The following HPSE2 variants were observed in gnomAD, a reference collection of about 807,000 sequenced individuals.
HPSE2 encodes heparanase 2 (inactive).
Under a neutral mutation model 60.5 loss-of-function variants are expected in HPSE2, and 38 were observed. The ratio of observed to expected loss-of-function variants is 0.63; its 90% CI spans 0.48 to 0.82. The LOEUF (loss-of-function observed/expected upper bound fraction) is 0.82. Among genes scored for constraint, HPSE2 ranks in the 40% least tolerant of loss-of-function variants. The probability of loss-of-function intolerance (pLI) is 0.00; values close to 1 mark genes in which losing one functional copy is unlikely to be tolerated. For synonymous variants in HPSE2, 295 were observed against 293.2 expected, an observed-to-expected ratio of 1.01 and a Z score of -0.06; for missense variants, 713 against 740.4, an observed-to-expected ratio of 0.96 and a Z score of 0.43.
chr10:99,069,227 G>T (rs1842709976), intron 3 of HPSE2, among the ~76,000 whole-genome samples: 2 of 152,132 alleles, frequency 1.3e-5, no homozygotes, highest in Non-Finnish European at 1.5e-5. Flanking sequence ...TGGGAAGCTA[G>T]AAATTTTGTC....
At chr10:98,931,351 A>G (rs1954635592) in intron 3 of HPSE2, among the ~76,000 whole-genome samples, 1 of 144,180 alleles carries the variant, frequency 6.9e-6, no homozygotes, top group Admixed American at 6.9e-5. Flanking sequence ...TACCAGTACC[A>G]TGCTATTTTG....
chr10:98,665,178 C>A (rs999814815), intron 6 of HPSE2, among the ~76,000 whole-genome samples: 2 of 152,106 alleles, frequency 1.3e-5, no homozygotes, highest in African/African-American at 2.4e-5. Flanking sequence ...CAGAGTAAAC[C>A]AAGCTGAGGA....
At chr10:98,558,285 A>G (rs1237011501) in intron 9 of HPSE2, among the ~76,000 whole-genome samples, 1 of 152,228 alleles carries the variant, frequency 6.6e-6, no homozygotes, top group East Asian at 1.9e-4. Flanking sequence ...ATAGAAATGT[A>G]CGTATATGTT....
intron 3 of HPSE2, among the ~76,000 whole-genome samples, chr10:98,753,053 G>A (rs1414965): frequency 0.15 from 23,497 of 152,112 alleles, 2,060 homozygotes; most frequent in Admixed American, 0.23. Flanking sequence ...TTAGTTGGGA[G>A]GTGGGGGTGA....
At chr10:98,842,487 A>T (rs1589928365) in intron 3 of HPSE2, among the ~76,000 whole-genome samples, 2 of 148,646 alleles carry the variant, frequency 1.3e-5, no homozygotes, top group Admixed American at 6.7e-5. Context: ...CTTTAATATC[A>T]CTTCTTTTGA....
At chr10:99,092,814 A>C (rs950415401) in intron 3 of HPSE2, among the ~76,000 whole-genome samples, 1 of 152,190 alleles carries the variant, frequency 6.6e-6, no homozygotes, top group Non-Finnish European at 1.5e-5. Context: ...AGTAGACATC[A>C]AAAAAATAAC....
intron 6 of HPSE2, among the ~76,000 whole-genome samples, chr10:98,652,018 G>C (rs967373982): frequency 1.3e-5 from 2 of 152,108 alleles, no homozygotes; most frequent in African/African-American, 4.8e-5. Flanking sequence ...TGATCCACCT[G>C]CCTCGGCTTC....
chr10:98,756,222 A>G (rs7912656), intron 3 of HPSE2, among the ~76,000 whole-genome samples: 105,299 of 151,852 alleles, frequency 0.69, 37,614 homozygotes, highest in Non-Finnish European at 0.8. Context: ...TGAAAAAGGT[A>G]GAAATGCCTC....
chr10:99,235,467 G>A (rs909816448), intron 1 of HPSE2, 46 bp downstream of exon 1: 3 of 1,561,768 alleles, frequency 1.9e-6, no homozygotes, highest in Non-Finnish European at 2.6e-6. Context: ...GCTTGAGGGG[G>A]TGTTACTAAA....
At chr10:98,731,795 GAAAT>G (rs1225085146) in intron 4 of HPSE2, among the ~76,000 whole-genome samples, 1 of 152,020 alleles carries the variant, frequency 6.6e-6, no homozygotes, top group Admixed American at 6.6e-5. Flanking sequence ...GCAAGGGAGA[GAAAT>G]AAAAAGCATC....
chr10:99,062,369 A>C (rs1842473200), intron 3 of HPSE2, among the ~76,000 whole-genome samples: 1 of 152,226 alleles, frequency 6.6e-6, no homozygotes, highest in African/African-American at 2.4e-5. Context: ...AACTGCCCAC[A>C]ACTAGTTCTC....
At chr10:98,555,771 T>C (rs983715319) in intron 9 of HPSE2, among the ~76,000 whole-genome samples, 6 of 152,210 alleles carry the variant, frequency 3.9e-5, no homozygotes, top group Non-Finnish European at 8.8e-5. Flanking sequence ...TTAATTCTCC[T>C]CTTTCGAAAC....
chr10:98,858,759 T>C (rs924933675), intron 3 of HPSE2, among the ~76,000 whole-genome samples: 5 of 152,182 alleles, frequency 3.3e-5, no homozygotes, highest in Non-Finnish European at 7.4e-5. Flanking sequence ...CTAGAAGAAA[T>C]AGAGGCTACA....
At chr10:98,629,349 GC>G (rs1946299596) in intron 7 of HPSE2, among the ~76,000 whole-genome samples, 1 of 152,184 alleles carries the variant, frequency 6.6e-6, no homozygotes, top group Non-Finnish European at 1.5e-5. Context: ...GTTACAAAGA[GC>G]TGAATAGCTA....
At chr10:98,951,335 C>T (rs191424808) in intron 3 of HPSE2, among the ~76,000 whole-genome samples, 2 of 152,156 alleles carry the variant, frequency 1.3e-5, no homozygotes, top group South Asian at 2.1e-4. Context: ...TTTGTTTTTA[C>T]AAGAAAATAT....
chr10:99,253,994 A>G, the HPSE2 span, among the ~76,000 whole-genome samples: 1 of 152,218 alleles, frequency 6.6e-6, no homozygotes, highest in Non-Finnish European at 1.5e-5. Context: ...CTCAGCCACT[A>G]TGGAAAGCTA....
At chr10:98,550,569 T>C (rs541480636) in intron 9 of HPSE2, among the ~76,000 whole-genome samples, 1 of 151,762 alleles carries the variant, frequency 6.6e-6, no homozygotes, top group East Asian at 1.9e-4. Context: ...CCCAGGTTCA[T>C]GCCATTCTCC....
chr10:98,548,302 C>A (rs1011430584), intron 9 of HPSE2, among the ~76,000 whole-genome samples: 1 of 152,170 alleles, frequency 6.6e-6, no homozygotes, highest in African/African-American at 2.4e-5. Flanking sequence ...TCCCTTCCCC[C>A]TCTATCTCCT....
chr10:98,568,675 T>C (rs759097396), intron 9 of HPSE2, among the ~76,000 whole-genome samples: 20 of 152,212 alleles, frequency 1.3e-4, no homozygotes, highest in Non-Finnish European at 2.9e-4. Flanking sequence ...GGTTCTCTTA[T>C]ACATCTTTCC....
Sources: allele counts gnomAD v4.1 joint callset (sites outside exome capture counted in the v4.1 genomes callset), GRCh38; gene constraint gnomAD v4.1.1; transcripts MANE v1.5; gene names NCBI Gene and HGNC (gene_info 2026-07-23, HGNC 2026-07-21).